GALNT13: variants seen among roughly 807,000 people sequenced by gnomAD.
GALNT13 encodes the protein polypeptide N-acetylgalactosaminyltransferase 13, also known as UDP-GalNAc:polypeptide N-acetylgalactosaminyltransferase 13.
GALNT13 carries 28 observed loss-of-function variants against 64.2 expected under a neutral mutation model. The ratio of observed to expected loss-of-function variants is 0.44; its 90% CI spans 0.32 to 0.60. GALNT13 has a LOEUF of 0.60. Ranked by LOEUF, GALNT13 falls within the 20% of genes least tolerant of loss-of-function variation. The probability of loss-of-function intolerance (pLI) is 0.05; values close to 1 mark genes in which losing one functional copy is unlikely to be tolerated. For synonymous variants in GALNT13, 214 were observed against 224.6 expected (o/e 0.95, Z 0.42); for missense variants, 577 against 669.8 (o/e 0.86, Z 1.53).
At chr2:154,186,343 A>T (rs1405371294) in intron 4 of GALNT13, among the ~76,000 whole-genome samples, 1 of 152,074 alleles carries the variant, frequency 6.6e-6, no homozygotes, top group Non-Finnish European at 1.5e-5. Flanking sequence ...CAATCTCATG[A>T]TTGCTTATTT....
intron 12 of GALNT13, among the ~76,000 whole-genome samples, chr2:154,442,217 C>G (rs1226880883): frequency 1.3e-5 from 2 of 152,028 alleles, no homozygotes; most frequent in Admixed American, 1.3e-4. Flanking sequence ...AATAAGCAGT[C>G]ATAAAACTAC....
At chr2:153,091,831 A>G in the GALNT13 span, among the ~76,000 whole-genome samples, 1,218 of 152,192 alleles carry the variant, frequency 8.0e-3, 5 homozygotes, top group Middle Eastern at 0.017. Flanking sequence ...TGCTGTACAG[A>G]AGCTTGTTTA....
At chr2:154,221,705 A>G (rs1688332556) in intron 4 of GALNT13, among the ~76,000 whole-genome samples, 1 of 152,124 alleles carries the variant, frequency 6.6e-6, no homozygotes, top group South Asian at 2.1e-4. Flanking sequence ...TACTAACCCT[A>G]TTCATTACTC....
At chr2:153,187,915 A>T in the GALNT13 span, among the ~76,000 whole-genome samples, 7 of 152,128 alleles carry the variant, frequency 4.6e-5, no homozygotes, top group African/African-American at 1.7e-4. Flanking sequence ...TTCCAGGAAT[A>T]TAAGGGTTTA....
Position 153,904,914 on chromosome 2 carries a change from C to T in GALNT13, c.-105+3907C>T, listed in dbSNP as rs139195439. 4.6e-3 allele frequency among the ~76,000 whole-genome samples: 696 copies of T among 151,914 alleles called. 5 individuals carry two copies. The highest frequency in any genetic ancestry group is 0.016 in the African/African-American group (652 of 41,514). On this transcript the variant is annotated intron_variant, in intron 2 of 12. Coordinates refer to ENST00000392825, the MANE Select transcript of GALNT13 (RefSeq NM_052917.4). ...AATCATACTGGACAATTCTCTCCTT[C>T]GCCCACTGTTCTTTAATGTCATATT... is the stretch of plus-strand genomic sequence containing the variant.
At chr2:154,454,851 A>T (rs1255240060), downstream of GALNT13, among the ~76,000 whole-genome samples, 3 of 152,138 alleles carry the variant, frequency 2.0e-5, no homozygotes, top group Non-Finnish European at 4.4e-5. Flanking sequence ...TTCAGTAGTA[A>T]CTAATGGAAC....
intron 9 of GALNT13, among the ~76,000 whole-genome samples, chr2:154,308,400 A>G (rs986942353): frequency 2.0e-5 from 3 of 152,168 alleles, no homozygotes; most frequent in Admixed American, 6.5e-5. Context: ...ATTTCTATCT[A>G]TGAAATACTA....
At chr2:153,935,950 T>G (rs2105366645) in intron 2 of GALNT13, among the ~76,000 whole-genome samples, 1 of 152,320 alleles carries the variant, frequency 6.6e-6, no homozygotes, top group African/African-American at 2.4e-5. Context: ...AGTCCTCTAT[T>G]AATCTAACCC....
intron 9 of GALNT13, among the ~76,000 whole-genome samples, chr2:154,358,247 C>G (rs571622334): frequency 6.6e-6 from 1 of 152,046 alleles, no homozygotes. Flanking sequence ...TCTTAAATAT[C>G]TTTTAGCAAC....
the GALNT13 span, among the ~76,000 whole-genome samples, chr2:153,436,400 A>G: frequency 2.6e-5 from 4 of 152,176 alleles, no homozygotes. Context: ...TTCAGGAGGA[A>G]TGGTACCAGT....
chr2:153,989,389 A>C (rs1695017123), intron 3 of GALNT13, among the ~76,000 whole-genome samples: 1 of 151,920 alleles, frequency 6.6e-6, no homozygotes, highest in African/African-American at 2.4e-5. Context: ...TTGCCTGATT[A>C]ATTATCTATA....
At chr2:153,569,859 G>T in the GALNT13 span, among the ~76,000 whole-genome samples, 5 of 152,144 alleles carry the variant, frequency 3.3e-5, no homozygotes, top group Admixed American at 6.6e-5. Flanking sequence ...TACCCAGCCT[G>T]CACTCTCTAC....
the GALNT13 span, among the ~76,000 whole-genome samples, chr2:153,248,468 A>C: frequency 6.6e-6 from 1 of 151,882 alleles, no homozygotes; most frequent in Non-Finnish European, 1.5e-5. Context: ...AAACCGCTTG[A>C]TTATTTTAAT....
At chr2:153,558,481 T>C in the GALNT13 span, among the ~76,000 whole-genome samples, 1 of 152,178 alleles carries the variant, frequency 6.6e-6, no homozygotes, top group African/African-American at 2.4e-5. Context: ...GCATCATAAA[T>C]CTCTTTAGCT....
the GALNT13 span, among the ~76,000 whole-genome samples, chr2:153,316,639 C>CAAAAAAAAAAAAAAAAAAAA: frequency 3.4e-4 from 24 of 69,834 alleles, 1 homozygote; most frequent in East Asian, 1.5e-3. Context: ...GACTCCGTCT[C>CAAAAAAAAAAAAAAAAAAAA]AAAAAAAAAA....
At chr2:153,750,131 ATTAAT>A in the GALNT13 span, among the ~76,000 whole-genome samples, 3 of 151,872 alleles carry the variant, frequency 2.0e-5, no homozygotes, top group Non-Finnish European at 4.4e-5. Flanking sequence ...TATCACACTG[ATTAAT>A]TTGAGTATCT....
intron 9 of GALNT13, among the ~76,000 whole-genome samples, chr2:154,316,651 T>C (rs1034435877): frequency 4.6e-5 from 7 of 152,276 alleles, no homozygotes; most frequent in Admixed American, 4.6e-4. Flanking sequence ...GTTGAGGGCC[T>C]TCTTGCTGCA....
chr2:153,360,319 C>A, the GALNT13 span, among the ~76,000 whole-genome samples: 1 of 152,224 alleles, frequency 6.6e-6, no homozygotes, highest in East Asian at 1.9e-4. Context: ...GCCCATACTA[C>A]TGGGGCCTGG....
intron 9 of GALNT13, among the ~76,000 whole-genome samples, chr2:154,307,424 T>G (rs1693798654): frequency 6.6e-6 from 1 of 152,238 alleles, no homozygotes; most frequent in Admixed American, 6.5e-5. Flanking sequence ...GATGTATAAA[T>G]AGCTTCATGT....
Sources: allele counts gnomAD v4.1 joint callset (sites outside exome capture counted in the v4.1 genomes callset), GRCh38; gene constraint gnomAD v4.1.1; transcripts MANE v1.5; gene names NCBI Gene and HGNC (gene_info 2026-07-23, HGNC 2026-07-21).